SMURF2: variants seen among roughly 807,000 people sequenced by gnomAD.
SMURF2 encodes SMAD specific E3 ubiquitin protein ligase 2.
Under a neutral mutation model 109.6 loss-of-function variants are expected in SMURF2, and 48 were observed. That is an observed-to-expected ratio of 0.44 (90% confidence interval 0.35 to 0.56). The LOEUF (loss-of-function observed/expected upper bound fraction) is 0.56. SMURF2 is among the 20% of genes least tolerant of loss of function. The probability of loss-of-function intolerance (pLI) is 0.01; values close to 1 mark genes in which losing one functional copy is unlikely to be tolerated. For missense variants in SMURF2, 575 were observed against 909.0 expected, an observed-to-expected ratio of 0.63 and a Z score of 4.72; for synonymous variants, 288 against 317.1, an observed-to-expected ratio of 0.91 and a Z score of 0.97.
Position 64,547,680 on chromosome 17 carries a change from T to C in SMURF2, c.1991A>G (p.Asp664Gly). Residue 664 changes from aspartate (D) to glycine (G), a missense_variant, in exon 17 of 19, where the codon GAT (aspartate) becomes GGT (glycine). Physicochemically the swap from Asp to Gly is moderately conservative, Grantham distance 94 (BLOSUM62 -1). Transcript: ENST00000262435. This position sits in a 1 kb window ranked among gnomAD's most constrained non-coding sequence, Gnocchi z 4.2. ...AAGCAATCTTGCTCGTCGCTCTTCA[T>C]CAAAAAACTCCACAGCTTTCCAGAA... ...KWFWKAVEFF[D>G]EERRARLLQF... The C allele has an allele frequency of 6.2e-7, 1 of 1,614,148 alleles. No individual in the cohort carries two copies. Among genetic ancestry groups the C allele is most frequent in the Non-Finnish European group, 8.5e-7 (1 of 1,180,020 alleles).
intron 1 of SMURF2, among the ~76,000 whole-genome samples, chr17:64,644,177 G>T (rs1178137541): frequency 6.6e-6 from 1 of 151,888 alleles, no homozygotes; most frequent in Non-Finnish European, 1.5e-5. Context: ...GCTAATTTTT[G>T]CAGTTTTTGT....
chr17:64,613,124 C>T (rs1970068308), intron 1 of SMURF2, among the ~76,000 whole-genome samples: 1 of 152,180 alleles, frequency 6.6e-6, no homozygotes, highest in African/African-American at 2.4e-5. Context: ...ATTGTTTTCA[C>T]ATCCTGGAGC....
At chr17:64,652,760 A>G (rs1423062755) in intron 1 of SMURF2, among the ~76,000 whole-genome samples, 1 of 152,222 alleles carries the variant, frequency 6.6e-6, no homozygotes, top group Non-Finnish European at 1.5e-5. Flanking sequence ...AATAGGCATG[A>G]GCAACCGCAC....
chr17:64,621,998 T>C (rs1439301756), intron 1 of SMURF2, among the ~76,000 whole-genome samples: 1 of 137,098 alleles, frequency 7.3e-6, no homozygotes, highest in Non-Finnish European at 1.5e-5. Context: ...AAAAAAGCAC[T>C]GTAGTGAGCC....
intron 1 of SMURF2, among the ~76,000 whole-genome samples, chr17:64,619,478 CAAAAA>C (rs552413988): frequency 8.6e-5 from 3 of 34,930 alleles, no homozygotes; most frequent in East Asian, 7.2e-4. Flanking sequence ...ACTCTTGTCT[CAAAAA>C]AAAAAAAAAA....
rs1408082573 is a variant in SMURF2 at position 64,545,511 on chromosome 17, A to G, written c.*337T>C. 2.9e-5 allele frequency: 5 copies of G among 169,596 alleles called. No homozygotes were observed. Among genetic ancestry groups the G allele is most frequent in the African/African-American group, 1.2e-4 (5 of 41,988 alleles). 10.5% of individuals were successfully genotyped at this position (169,596 alleles called of 1,614,324 possible). On this transcript the variant is annotated 3_prime_UTR_variant, in exon 19 of 19. Coordinates refer to ENST00000262435, the MANE Select transcript of SMURF2 (RefSeq NM_022739.4). ...GAAATCTGTGAAGAAATTTGAATAG[A>G]TTACCTTTTATAAAAATAGTAGTAG...
At chr17:64,601,486 A>G in intron 2 of SMURF2, among the ~76,000 whole-genome samples, 1 of 152,200 alleles carries the variant, frequency 6.6e-6, no homozygotes, top group East Asian at 1.9e-4. Flanking sequence ...TGCAAATCAG[A>G]ACTATAATGC....
At chr17:64,566,561 G>GTTTTTTTTTTTTTGTTTTTTTT (rs1969306919) in intron 10 of SMURF2, among the ~76,000 whole-genome samples, 1 of 43,784 alleles carries the variant, frequency 2.3e-5, no homozygotes, top group African/African-American at 7.5e-5. Flanking sequence ...AAGCTTTCTG[G>GTTTTTTTTTTTTTGTTTTTTTT]TTTTTTTTTT....
chr17:64,569,843 C>A lies in SMURF2; in HGVS notation c.1016+1955G>T, dbSNP rs539163454. On this transcript the variant is annotated intron_variant, in intron 10 of 18. Transcript: ENST00000262435. ...TAGCAATTCCACAACCAGGCAAGCGCCCTAGAGCAGTGTTACTCAAAGGGT... is the reference window on the plus strand; with the variant it reads ...TAGCAATTCCACAACCAGGCAAGCGACCTAGAGCAGTGTTACTCAAAGGGT... 5.3e-5 allele frequency among the ~76,000 whole-genome samples: 8 copies of A among 152,268 alleles called. No homozygotes were observed. The South Asian group carries it at 1.7e-3, about 32-fold the overall frequency.
At position 64,583,526 on chromosome 17, in the gene SMURF2, G is replaced by T; in HGVS notation, c.504C>A (p.Thr168=). 1 of 1,613,722 alleles carries T rather than the reference G, an allele frequency of 6.2e-7. No individual in the cohort carries two copies. Among genetic ancestry groups the T allele is most frequent in the East Asian group, 2.2e-5 (1 of 44,864 alleles). Residue 168 remains threonine (T), a synonymous_variant, in exon 7 of 19, where the codon ACC becomes ACA. Coordinates refer to ENST00000262435, the MANE Select transcript of SMURF2 (RefSeq NM_022739.4). The part of the protein sequence containing the change: ...DLPDGWEERR[T]ASGRIQYLNH... ...TTAGATACTGGATTCTTCCAGAGGC[G>T]GTTCTCCTTTCTTCCCAGCTTAAAT...
intron 2 of SMURF2, among the ~76,000 whole-genome samples, chr17:64,603,347 C>G (rs1391649575): frequency 6.6e-6 from 1 of 151,826 alleles, no homozygotes; most frequent in Admixed American, 6.6e-5. Context: ...TTTGAGAGGC[C>G]GAGGCAGGCG....
At chr17:64,622,770 C>A (rs1970222439) in intron 1 of SMURF2, among the ~76,000 whole-genome samples, 1 of 152,154 alleles carries the variant, frequency 6.6e-6, no homozygotes, top group African/African-American at 2.4e-5. Flanking sequence ...TCTTTTTCCC[C>A]CTTTCTATAC....
intron 8 of SMURF2, 56 bp from the exon 9 acceptor site, chr17:64,578,632 C>A (rs1969533353): frequency 9.1e-7 from 1 of 1,094,142 alleles, no homozygotes; most frequent in Non-Finnish European, 1.4e-6. Context: ...AGATCAAAGA[C>A]AGTTATATAC....
At chr17:64,577,583 C>T (rs1555686171) in intron 9 of SMURF2, among the ~76,000 whole-genome samples, 1 of 143,874 alleles carries the variant, frequency 7.0e-6, no homozygotes, top group African/African-American at 2.7e-5. Context: ...ATAAATAAAA[C>T]ACTAAAAAAA....
chr17:64,625,093 T>C (rs2144700450), intron 1 of SMURF2, among the ~76,000 whole-genome samples: 1 of 152,316 alleles, frequency 6.6e-6, no homozygotes, highest in East Asian at 1.9e-4. Context: ...TTCTCCTGAC[T>C]CTAGGGGGCC....
intron 1 of SMURF2, among the ~76,000 whole-genome samples, chr17:64,616,675 T>C (rs1970126099): frequency 1.3e-5 from 2 of 149,358 alleles, no homozygotes; most frequent in Non-Finnish European, 1.5e-5. Flanking sequence ...AAAAAAGAAC[T>C]AGAGCTGAGA....
chr17:64,659,775 G>T (rs1400428262), intron 1 of SMURF2, among the ~76,000 whole-genome samples: 1 of 151,904 alleles, frequency 6.6e-6, no homozygotes, highest in African/African-American at 2.4e-5. Flanking sequence ...ATTTATAAAT[G>T]ATGAACAAAA....
chr17:64,565,537 C>CAGA (rs1465820435), intron 10 of SMURF2, among the ~76,000 whole-genome samples: 2 of 151,684 alleles, frequency 1.3e-5, no homozygotes, highest in East Asian at 3.9e-4. Flanking sequence ...GGGTATAAGG[C>CAGA]AGAATATCTT....
chr17:64,585,651 A>G (rs371019845), intron 6 of SMURF2, among the ~76,000 whole-genome samples: 14 of 152,226 alleles, frequency 9.2e-5, no homozygotes, highest in East Asian at 7.7e-4. Flanking sequence ...TAAAGTGCTT[A>G]TAACAGTATC....
Sources: gnomAD v4.1 joint callset for allele counts (sites outside exome capture counted in the v4.1 genomes callset) on GRCh38, gnomAD v4.1.1 for gene constraint, Gnocchi (gnomAD v3.1) non-coding constraint, MANE v1.5 for transcripts, NCBI Gene and HGNC (gene_info 2026-07-23, HGNC 2026-07-21) for gene names.